Variants in OLA1 observed in about 807,000 individuals in gnomAD.
OLA1 encodes obg-like ATPase 1.
In OLA1, 14 loss-of-function variants were observed where a neutral mutation model predicts 48.4. The ratio of observed to expected loss-of-function variants is 0.29; its 90% confidence interval spans 0.19 to 0.45. The LOEUF (loss-of-function observed/expected upper bound fraction) is 0.45, where lower values mean the gene tolerates loss of function less well. Among genes scored for constraint, OLA1 ranks in the 20% least tolerant of loss-of-function variants. OLA1 has a pLI of 1.00. For missense variants in OLA1, 325 were observed against 467.1 expected (o/e 0.70, Z 2.80); for synonymous variants, 127 against 150.4 (o/e 0.84, Z 1.14).
chr2:174,247,455 G>C (rs1439441415), intron 1 of OLA1, among the ~76,000 whole-genome samples: 1 of 152,166 alleles, frequency 6.6e-6, no homozygotes, highest in Non-Finnish European at 1.5e-5. Context: ...CTTCCATCCA[G>C]ACTGCTCACA....
intron 4 of OLA1, among the ~76,000 whole-genome samples, chr2:174,154,674 C>A (rs1686830267): frequency 1.3e-5 from 2 of 152,008 alleles, no homozygotes; most frequent in African/African-American, 4.8e-5. Context: ...CATATTTTAC[C>A]TTAAATATGG....
At chr2:174,085,854 C>T (rs1684964028) in intron 7 of OLA1, among the ~76,000 whole-genome samples, 1 of 152,178 alleles carries the variant, frequency 6.6e-6, no homozygotes, top group Non-Finnish European at 1.5e-5. Context: ...TCCCTTTCAA[C>T]ATTAATTTGC....
At chr2:174,229,100 T>G (rs1688674291) in intron 3 of OLA1, among the ~76,000 whole-genome samples, 1 of 152,186 alleles carries the variant, frequency 6.6e-6, no homozygotes, top group African/African-American at 2.4e-5. Flanking sequence ...GGTCTCAAAC[T>G]CCTAACCTTG....
At chr2:174,206,790 C>T (rs554022373) in intron 4 of OLA1, among the ~76,000 whole-genome samples, 1 of 152,266 alleles carries the variant, frequency 6.6e-6, no homozygotes, top group South Asian at 2.1e-4. Context: ...AGAACCACTG[C>T]ATAATTACTT....
At chr2:174,192,442 A>G (rs1445449841) in intron 4 of OLA1, among the ~76,000 whole-genome samples, 3 of 152,144 alleles carry the variant, frequency 2.0e-5, no homozygotes, top group Non-Finnish European at 2.9e-5. Flanking sequence ...CAGCCTACAC[A>G]CCACTTCATA....
intron 7 of OLA1, among the ~76,000 whole-genome samples, chr2:174,089,038 G>A (rs886915438): frequency 6.6e-5 from 10 of 152,140 alleles, no homozygotes; most frequent in African/African-American, 2.2e-4. Flanking sequence ...TCACTTGAGT[G>A]TGTGATAGAA....
At chr2:174,181,458 A>T (rs1172223153) in intron 4 of OLA1, among the ~76,000 whole-genome samples, 6 of 152,208 alleles carry the variant, frequency 3.9e-5, no homozygotes, top group Non-Finnish European at 7.3e-5. Flanking sequence ...TTGCAAGCTC[A>T]GGGGAACCAA....
intron 4 of OLA1, among the ~76,000 whole-genome samples, chr2:174,194,953 T>TTC (rs1249924323): frequency 2.0e-5 from 3 of 151,724 alleles, no homozygotes; most frequent in African/African-American, 4.8e-5. Flanking sequence ...TATTCATATT[T>TTC]TCTCTCTCTC....
Position 174,125,972 on chromosome 2 carries a change from T to G in OLA1, c.550-2297A>C, listed in dbSNP as rs185019605. On this transcript the variant is annotated intron_variant, in intron 5 of 10. Coordinates refer to ENST00000284719, the MANE Select transcript of OLA1 (RefSeq NM_013341.5). ...TCTCTTAATTATTCCCACAAAAGAT[T>G]TAACAGCCAAGAAAAGACAACTTAG... Among the ~76,000 whole-genome samples, 784 of 152,268 alleles carry G rather than the reference T, an allele frequency of 5.1e-3. 3 individuals are homozygous for G. The highest frequency in any genetic ancestry group is 0.018 in the African/African-American group (761 of 41,556).
chr2:174,093,274 C>T (rs1315308353), intron 7 of OLA1, among the ~76,000 whole-genome samples: 4 of 151,870 alleles, frequency 2.6e-5, no homozygotes, highest in African/African-American at 4.8e-5. Flanking sequence ...TAGTGAGACC[C>T]CATCTCTATG....
At chr2:174,156,970 C>T (rs1686900144) in intron 4 of OLA1, among the ~76,000 whole-genome samples, 1 of 149,330 alleles carries the variant, frequency 6.7e-6, no homozygotes, top group African/African-American at 2.5e-5. Context: ...AAGTAGTTGA[C>T]TGTTGGGTAG....
intron 4 of OLA1, among the ~76,000 whole-genome samples, chr2:174,187,721 G>A (rs1007085652): frequency 1.3e-5 from 2 of 152,188 alleles, no homozygotes; most frequent in Admixed American, 1.3e-4. Context: ...TTAGATCAAC[G>A]AAGAGTAAAT....
intron 4 of OLA1, among the ~76,000 whole-genome samples, chr2:174,174,192 T>C (rs1687371579): frequency 6.6e-6 from 1 of 152,064 alleles, no homozygotes; most frequent in South Asian, 2.1e-4. Flanking sequence ...AAGGTTCATA[T>C]TACCCTGCTA....
chr2:174,225,422 T>G (rs1012257767), intron 3 of OLA1, among the ~76,000 whole-genome samples: 3 of 152,108 alleles, frequency 2.0e-5, no homozygotes, highest in Non-Finnish European at 4.4e-5. Flanking sequence ...TGGTAGCACA[T>G]GCCTGTAATC....
At chr2:174,199,119 C>A (rs1322409288) in intron 4 of OLA1, among the ~76,000 whole-genome samples, 5 of 152,094 alleles carry the variant, frequency 3.3e-5, no homozygotes, top group African/African-American at 1.2e-4. Flanking sequence ...TGCTACATAC[C>A]AAAATAATGG....
At chr2:174,235,791 T>C (rs1688834215) in intron 2 of OLA1, among the ~76,000 whole-genome samples, 1 of 152,110 alleles carries the variant, frequency 6.6e-6, no homozygotes, top group Admixed American at 6.6e-5. Context: ...AAGTAATGAT[T>C]TGCGCATGAG....
intron 2 of OLA1, among the ~76,000 whole-genome samples, chr2:174,232,097 A>C (rs1009983029): frequency 6.6e-6 from 1 of 152,114 alleles, no homozygotes; most frequent in Admixed American, 6.5e-5. Flanking sequence ...AATGATAGAT[A>C]GCATTAAAAG....
At chr2:174,157,215 G>A (rs982365576) in intron 4 of OLA1, among the ~76,000 whole-genome samples, 17 of 152,118 alleles carry the variant, frequency 1.1e-4, no homozygotes, top group Admixed American at 8.5e-4. Flanking sequence ...AAAGAGAATG[G>A]TGCCAGGAGC....
intron 4 of OLA1, among the ~76,000 whole-genome samples, chr2:174,156,069 T>C (rs971238660): frequency 6.6e-6 from 1 of 152,192 alleles, no homozygotes; most frequent in Admixed American, 6.5e-5. Flanking sequence ...AGAGTGATAA[T>C]GTATGTAAAC....
Sources: gnomAD v4.1 joint callset for allele counts (sites outside exome capture counted in the v4.1 genomes callset) on GRCh38, gnomAD v4.1.1 for gene constraint, MANE v1.5 for transcripts, NCBI Gene and HGNC (gene_info 2026-07-23, HGNC 2026-07-21) for gene names.